CCDC57: variants seen among roughly 807,000 people sequenced by gnomAD.
CCDC57 encodes coiled-coil domain-containing protein 57.
Under a neutral mutation model 118.9 loss-of-function variants are expected in CCDC57, and 118 were observed. The ratio of observed to expected loss-of-function variants is 0.99; its 90% confidence interval spans 0.86 to 1.16. CCDC57 has a LOEUF of 1.16. Among genes scored for constraint, CCDC57 ranks in the 50% most tolerant of loss-of-function variants. CCDC57 has a pLI of 0.00. For synonymous variants in CCDC57, 527 were observed against 532.9 expected (o/e 0.99, Z 0.15); for missense variants, 1,300 against 1,320.7 (o/e 0.98, Z 0.24).
chr17:82,164,536 C>T (rs927035514), intron 13 of CCDC57, among the ~76,000 whole-genome samples: 4 of 152,026 alleles, frequency 2.6e-5, no homozygotes, highest in Non-Finnish European at 4.4e-5. Flanking sequence ...AAAATAAACA[C>T]CCAATAATAC....
intron 2 of CCDC57, among the ~76,000 whole-genome samples, chr17:82,203,039 A>T (rs2146934757): frequency 6.6e-6 from 1 of 152,308 alleles, no homozygotes; most frequent in East Asian, 1.9e-4. Flanking sequence ...CCTTTGTGGA[A>T]TTGTAATCCC....
At chr17:82,194,655 T>C (rs2146757039) in intron 5 of CCDC57, among the ~76,000 whole-genome samples, 1 of 152,314 alleles carries the variant, frequency 6.6e-6, no homozygotes, top group South Asian at 2.1e-4. Flanking sequence ...AAAATCAGTC[T>C]ATTAGGGTGC....
At chr17:82,177,465 A>G (rs993565958) in intron 11 of CCDC57, among the ~76,000 whole-genome samples, 4 of 152,142 alleles carry the variant, frequency 2.6e-5, no homozygotes, top group African/African-American at 9.7e-5. Context: ...GGATTGCTTC[A>G]GCCTAGGGGT....
At chr17:82,201,921 G>T in exon 3 of CCDC57, 1 of 1,601,748 alleles carries the variant, frequency 6.2e-7, no homozygotes. Flanking sequence ...CATTCAGGGC[G>T]GGCTCTGAGC....
chr17:82,129,632 T>G (rs2038025650), intron 17 of CCDC57, among the ~76,000 whole-genome samples: 1 of 152,230 alleles, frequency 6.6e-6, no homozygotes, highest in South Asian at 2.1e-4. Flanking sequence ...CCCCCGGGCT[T>G]CGTCCCCAGT....
At chr17:82,129,517 C>A (rs1177234830) in intron 17 of CCDC57, among the ~76,000 whole-genome samples, 4 of 152,162 alleles carry the variant, frequency 2.6e-5, no homozygotes, top group Non-Finnish European at 5.9e-5. Context: ...GTACTTGGCC[C>A]ATGTTTACCA....
chr17:82,195,147 C>A, intron 5 of CCDC57, 116 bp downstream of exon 4: 2 of 773,438 alleles, frequency 2.6e-6, no homozygotes, highest in Non-Finnish European at 4.5e-6. Flanking sequence ...AACTCCTGGG[C>A]CCAAGGGATC....
intron 19 of CCDC57, among the ~76,000 whole-genome samples, chr17:82,105,447 C>T (rs949166715): frequency 3.9e-5 from 6 of 152,172 alleles, no homozygotes; most frequent in East Asian, 1.9e-4. Context: ...TTAGTGCAGA[C>T]GGTGACAGTG....
chr17:82,141,922 T>TGAGCTGCTTTGCGATTTTACCACTGATA (rs2040066736), intron 16 of CCDC57, among the ~76,000 whole-genome samples: 1 of 152,210 alleles, frequency 6.6e-6, no homozygotes, highest in Admixed American at 6.5e-5. Flanking sequence ...CTTTGCGATT[T>TGAGCTGCTTTGCGATTTTACCACTGATA]GAGCTGCTTT....
intron 19 of CCDC57, chr17:82,109,079 G>A (rs2035066896): frequency 6.6e-6 from 1 of 152,284 alleles, no homozygotes; most frequent in East Asian, 1.9e-4. Flanking sequence ...CAAGCACAGG[G>A]CTTCCTAAAC....
intron 9 of CCDC57, among the ~76,000 whole-genome samples, chr17:82,181,670 G>A (rs2146454517): frequency 6.6e-6 from 1 of 152,328 alleles, no homozygotes; most frequent in African/African-American, 2.4e-5. Flanking sequence ...ATACATTTAA[G>A]CAGCTATTAC....
At chr17:82,206,041 C>T (rs769355262) in intron 2 of CCDC57, among the ~76,000 whole-genome samples, 19 of 147,238 alleles carry the variant, frequency 1.3e-4, no homozygotes, top group Non-Finnish European at 2.4e-4. Context: ...AGCAGGCGTC[C>T]CCAGCAAGCA....
intron 19 of CCDC57, among the ~76,000 whole-genome samples, chr17:82,105,313 C>A (rs1203648307): frequency 6.6e-6 from 1 of 152,174 alleles, no homozygotes; most frequent in African/African-American, 2.4e-5. Flanking sequence ...TCTGCTGAAC[C>A]CCCTCTGGCT....
intron 15 of CCDC57, among the ~76,000 whole-genome samples, chr17:82,152,952 A>G (rs2042237122): frequency 2.0e-5 from 3 of 152,202 alleles, no homozygotes; most frequent in Admixed American, 2.0e-4. Context: ...CCTCTTGGAC[A>G]GAGAAAGTTC....
chr17:82,174,642 A>C (rs946447605), intron 11 of CCDC57, among the ~76,000 whole-genome samples: 2 of 152,336 alleles, frequency 1.3e-5, no homozygotes, highest in Admixed American at 6.5e-5. Context: ...ATTCTTCTCA[A>C]AGAGATAACA....
At chr17:82,175,121 T>A (rs906699865) in intron 11 of CCDC57, among the ~76,000 whole-genome samples, 5 of 152,254 alleles carry the variant, frequency 3.3e-5, no homozygotes, top group Non-Finnish European at 5.9e-5. Context: ...GCCATTTAGA[T>A]TCTGTTCGTG....
intron 8 of CCDC57, 150 bp downstream of exon 7, chr17:82,188,069 A>T: frequency 3.8e-6 from 2 of 521,050 alleles, no homozygotes; most frequent in Non-Finnish European, 3.3e-6. Flanking sequence ...AAAAAAAAAG[A>T]GTGGTTAAGA....
intron 9 of CCDC57, among the ~76,000 whole-genome samples, chr17:82,180,639 C>A (rs1432276612): frequency 1.3e-5 from 2 of 152,130 alleles, no homozygotes; most frequent in Non-Finnish European, 2.9e-5. Context: ...CCACGCCTAG[C>A]TAATTTTTTG....
In CCDC57 at chr17:82,171,870, C is replaced by T; in HGVS notation, c.1730-17G>A. The T allele has an allele frequency of 6.2e-7, 1 of 1,609,156 alleles. No homozygotes were observed. Among genetic ancestry groups the T allele is most frequent in the African/African-American group, 1.3e-5 (1 of 74,974 alleles). On this transcript the variant is annotated splice_polypyrimidine_tract_variant and intron_variant, in intron 12 of 19. Coordinates refer to ENST00000665763, the Ensembl canonical transcript of CCDC57. ...GAACATAATCTGCCAAAAAAACCTC[C>T]AGTGAATATAACACATACACAGCAT... is the stretch of plus-strand genomic sequence containing the variant.
Sources: gnomAD v4.1 joint callset for allele counts (sites outside exome capture counted in the v4.1 genomes callset) on GRCh38, gnomAD v4.1.1 for gene constraint, MANE v1.5 for transcripts, NCBI Gene and HGNC (gene_info 2026-07-23, HGNC 2026-07-21) for gene names.